Variants in FBXL5 observed in about 807,000 individuals in gnomAD.
FBXL5 encodes the protein F-box/LRR-repeat protein 5.
Under a neutral mutation model 78.3 loss-of-function variants are expected in FBXL5, and 26 were observed. The ratio of observed to expected loss-of-function variants is 0.33; its 90% CI spans 0.24 to 0.46. The LOEUF (loss-of-function observed/expected upper bound fraction) is 0.46, where lower values mean the gene tolerates loss of function less well. Ranked by LOEUF, FBXL5 falls within the 20% of genes least tolerant of loss-of-function variation. The pLI, the probability that FBXL5 is intolerant of heterozygous loss-of-function variation, is 1.00. For synonymous variants in FBXL5, 295 were observed against 282.5 expected, an observed-to-expected ratio of 1.04 and a Z score of -0.45; for missense variants, 710 against 829.2, an observed-to-expected ratio of 0.86 and a Z score of 1.77.
intron 4 of FBXL5, among the ~76,000 whole-genome samples, chr4:15,637,085 C>T (rs1177192329): frequency 1.3e-5 from 2 of 152,190 alleles, no homozygotes; most frequent in African/African-American, 4.8e-5. Context: ...TAATGACACA[C>T]ACAAATCTCA....
intron 5 of FBXL5, among the ~76,000 whole-genome samples, chr4:15,632,782 TTA>T (rs2148604161): frequency 6.6e-6 from 1 of 152,362 alleles, no homozygotes; most frequent in Admixed American, 6.5e-5. Flanking sequence ...CTGAAGTTGC[TTA>T]TCAGCTTAAG....
intron 9 of FBXL5, among the ~76,000 whole-genome samples, chr4:15,619,628 T>C (rs1712280452): frequency 6.6e-6 from 1 of 152,150 alleles, no homozygotes; most frequent in Non-Finnish European, 1.5e-5. Context: ...TCACCTCTAA[T>C]TATCACAGTA....
chr4:15,622,279 T>C (rs910355216), intron 9 of FBXL5, among the ~76,000 whole-genome samples: 1 of 152,266 alleles, frequency 6.6e-6, no homozygotes, highest in Non-Finnish European at 1.5e-5. Flanking sequence ...TTAAGTTGTA[T>C]GTTTACATGA....
intron 1 of FBXL5, among the ~76,000 whole-genome samples, chr4:15,679,117 C>G (rs1718102454): frequency 1.4e-5 from 2 of 144,276 alleles, no homozygotes; most frequent in African/African-American, 5.2e-5. Flanking sequence ...GGCTGGAGTG[C>G]AGCGGCGTGA....
At chr4:15,606,656 T>C (rs1476678359) in intron 10 of FBXL5, among the ~76,000 whole-genome samples, 2 of 152,222 alleles carry the variant, frequency 1.3e-5, no homozygotes, top group Non-Finnish European at 2.9e-5. Context: ...ATTATGTCTA[T>C]ACCATGAACA....
At chr4:15,655,626 C>G (rs1468599181), upstream of FBXL5, among the ~76,000 whole-genome samples, 1 of 152,202 alleles carries the variant, frequency 6.6e-6, no homozygotes, top group Non-Finnish European at 1.5e-5. Context: ...AGGGGAAAGT[C>G]GTTGCAGTGG....
At chr4:15,672,970 G>T (rs1488012369) in intron 1 of FBXL5, among the ~76,000 whole-genome samples, 1 of 152,060 alleles carries the variant, frequency 6.6e-6, no homozygotes, top group East Asian at 1.9e-4. Context: ...ACAATCAACA[G>T]TATCACTGTC....
chr4:15,631,951 T>G (rs1436856911), intron 5 of FBXL5, among the ~76,000 whole-genome samples: 2 of 152,230 alleles, frequency 1.3e-5, no homozygotes, highest in Non-Finnish European at 2.9e-5. Flanking sequence ...TGCCTTTTGT[T>G]GCCATTGCTT....
At chr4:15,644,166 A>G (rs533600749) in intron 2 of FBXL5, among the ~76,000 whole-genome samples, 2 of 152,376 alleles carry the variant, frequency 1.3e-5, no homozygotes, top group South Asian at 4.1e-4. Flanking sequence ...GCCTTCAGCA[A>G]GAATTTTATA....
intron 1 of FBXL5, among the ~76,000 whole-genome samples, chr4:15,671,475 A>G (rs4616746): frequency 0.62 from 94,133 of 151,238 alleles, 29,460 homozygotes; most frequent in Non-Finnish European, 0.66. Flanking sequence ...GTCTCTCCAC[A>G]TTGCCCAGGC....
At chr4:15,636,386 C>G in intron 5 of FBXL5, 108 bp downstream of exon 5, 1 of 903,924 alleles carries the variant, frequency 1.1e-6, no homozygotes, top group South Asian at 3.3e-5. Flanking sequence ...ATAAAATCTA[C>G]TTTTTGATTG....
intron 9 of FBXL5, among the ~76,000 whole-genome samples, chr4:15,620,727 A>AT (rs1560215280): frequency 6.6e-6 from 1 of 152,278 alleles, no homozygotes; most frequent in Admixed American, 6.5e-5. Context: ...CATGATGGCC[A>AT]TAACGCCCAA....
intron 1 of FBXL5, among the ~76,000 whole-genome samples, chr4:15,679,827 A>G (rs1718144243): frequency 6.6e-6 from 1 of 151,802 alleles, no homozygotes. Flanking sequence ...AAAATGGATC[A>G]CTCTATGAAG....
intron 9 of FBXL5, among the ~76,000 whole-genome samples, chr4:15,624,167 AT>A (rs905226043): frequency 9.2e-5 from 14 of 152,218 alleles, no homozygotes; most frequent in African/African-American, 3.4e-4. Context: ...GGTAGGGAGT[AT>A]TAAGTTTTAT....
At chr4:15,656,254 A>G (rs1162282482), upstream of FBXL5, 2 of 456,232 alleles carry the variant, frequency 4.4e-6, no homozygotes, top group Admixed American at 2.3e-5. Context: ...CCTCTTTCCC[A>G]TAAATCGCCT....
At chr4:15,627,852 T>C in intron 7 of FBXL5, 33 bp downstream of exon 7, 1 of 1,575,482 alleles carries the variant, frequency 6.3e-7, no homozygotes, top group Non-Finnish European at 8.6e-7. Context: ...GCTGTTTTTC[T>C]TAATACCCAA....
upstream of FBXL5, among the ~76,000 whole-genome samples, chr4:15,662,627 C>A (rs149865188): frequency 1.3e-5 from 2 of 152,300 alleles, no homozygotes; most frequent in African/African-American, 4.8e-5. Flanking sequence ...GTGAGCCTCT[C>A]GTCACCATTC....
Position 15,620,918 on chromosome 4 carries a change from G to A in FBXL5, c.1850+4334C>T, listed in dbSNP as rs190752386. On this transcript the variant is annotated intron_variant, in intron 9 of 10. Transcript: ENST00000341285. ...TTTCTTTAAGTTGGCCCATCCCTTC[G>A]TTTTCCATAAGGGATACTTTTAGTT... is the stretch of plus-strand genomic sequence containing the variant. Among the ~76,000 whole-genome samples the A allele has an allele frequency of 5.3e-5, 8 of 152,140 alleles. No individual in the cohort carries two copies. The East Asian group carries it at 7.7e-4, about 15-fold the overall frequency.
intron 9 of FBXL5, among the ~76,000 whole-genome samples, chr4:15,622,691 G>C (rs1712607917): frequency 1.3e-5 from 2 of 152,166 alleles, no homozygotes; most frequent in Admixed American, 6.6e-5. Flanking sequence ...AATTAGAACA[G>C]TGCAAGAAAT....
Sources: allele counts gnomAD v4.1 joint callset (sites outside exome capture counted in the v4.1 genomes callset), GRCh38; gene constraint gnomAD v4.1.1; transcripts MANE v1.5; gene names NCBI Gene and HGNC (gene_info 2026-07-23, HGNC 2026-07-21).